The following KLHL5 variants were observed in gnomAD, a reference collection of about 807,000 sequenced individuals.
KLHL5 encodes the protein kelch-like protein 5.
In KLHL5, 48 loss-of-function variants were observed where a neutral mutation model predicts 77.7. The ratio of observed to expected loss-of-function variants is 0.62; its 90% confidence interval spans 0.49 to 0.79. The LOEUF (loss-of-function observed/expected upper bound fraction) is 0.79, where lower values mean the gene tolerates loss of function less well. Among genes scored for constraint, KLHL5 ranks in the 30% least tolerant of loss-of-function variants. KLHL5 has a pLI of 0.00. For missense variants in KLHL5, 723 were observed against 859.7 expected, an observed-to-expected ratio of 0.84 and a Z score of 1.99; for synonymous variants, 260 against 297.0, an observed-to-expected ratio of 0.88 and a Z score of 1.28.
At chr4:39,093,080 T>G in intron 5 of KLHL5, 2 of 455,940 alleles carry the variant, frequency 4.4e-6, no homozygotes, top group Non-Finnish European at 8.8e-6. Context: ...TCATAATAGC[T>G]TGAAACTGGA....
the KLHL5 span, among the ~76,000 whole-genome samples, chr4:39,140,204 C>T: frequency 6.6e-6 from 1 of 152,178 alleles, no homozygotes; most frequent in Middle Eastern, 3.4e-3. Context: ...ACTCCAGCCT[C>T]AGTGACAAAG....
intron 5 of KLHL5, among the ~76,000 whole-genome samples, chr4:39,090,752 G>A (rs1720459778): frequency 6.6e-6 from 1 of 151,696 alleles, no homozygotes; most frequent in South Asian, 2.1e-4. Context: ...CCCAACCTTT[G>A]TATGGCTTTT....
downstream of KLHL5, among the ~76,000 whole-genome samples, chr4:39,129,214 G>T (rs564490320): frequency 2.9e-5 from 4 of 136,214 alleles, no homozygotes; most frequent in East Asian, 6.3e-4. The surrounding 1 kb of genome is among the most constrained non-coding windows in gnomAD (Gnocchi z 4.2). Context: ...ACGGAGTCTT[G>T]CTCTGTTGCC....
At chr4:39,064,045 T>C (rs1412309115) in intron 1 of KLHL5, among the ~76,000 whole-genome samples, 2 of 152,134 alleles carry the variant, frequency 1.3e-5, no homozygotes, top group African/African-American at 4.8e-5. Flanking sequence ...TGATAACACT[T>C]GTAATTTGTA....
At chr4:39,087,308 A>G (rs1192237497) in intron 5 of KLHL5, among the ~76,000 whole-genome samples, 1 of 152,186 alleles carries the variant, frequency 6.6e-6, no homozygotes, top group Non-Finnish European at 1.5e-5. Context: ...AACTGCTAAT[A>G]AAAGGAGCAC....
In KLHL5 at chr4:39,085,922, A is replaced by C. The variant is rs142561776; in HGVS notation, c.901-593A>C. Among the ~76,000 whole-genome samples the C allele has an allele frequency of 3.9e-5, 6 of 152,316 alleles. No homozygotes were observed. The East Asian group carries it at 1.2e-3, about 29-fold the overall frequency. On this transcript the variant is annotated intron_variant, in intron 4 of 10. Transcript: ENST00000504108. ...CCCAAAATCCTAGATGATCTTATAA[A>C]TATCATTAAAACGATCTTGAAGACC...
chr4:39,142,233 A>T, the KLHL5 span, among the ~76,000 whole-genome samples: 86 of 152,260 alleles, frequency 5.6e-4, no homozygotes, highest in African/African-American at 2.0e-3. Flanking sequence ...AAATTGATTT[A>T]TTTATACAAA....
chr4:39,078,173 G>A (rs1381535331), intron 2 of KLHL5, among the ~76,000 whole-genome samples: 1 of 152,032 alleles, frequency 6.6e-6, no homozygotes, highest in African/African-American at 2.4e-5. Context: ...GGATCACGAG[G>A]TCAGAAGTTC....
In KLHL5 at chr4:39,123,146, C is replaced by T. The variant is rs1383728590; in HGVS notation, c.*2080C>T. On this transcript the variant is annotated 3_prime_UTR_variant, in exon 11 of 11. Transcript: ENST00000504108. ...AGATGACCTCGATGAAAAAACACAC[C>T]AATTGACAAAACTGGCTCAAAAGGA... 2.0e-5 allele frequency among the ~76,000 whole-genome samples: 3 copies of T among 152,124 alleles called. No homozygotes were observed. Among genetic ancestry groups the T allele is most frequent in the East Asian group, 3.9e-4 (2 of 5,192 alleles).
intron 4 of KLHL5, among the ~76,000 whole-genome samples, chr4:39,085,439 A>T (rs185913111): frequency 6.6e-6 from 1 of 152,230 alleles, no homozygotes; most frequent in East Asian, 1.9e-4. Flanking sequence ...GCTCTAATTT[A>T]AACAGCTTTA....
In KLHL5 at chr4:39,123,130, C is replaced by A. The variant is rs1061377; in HGVS notation, c.*2064C>A. ...TTGTTGCCAACAATTTAGATGACCT[C>A]GATGAAAAAACACACCAATTGACAA... On this transcript the variant is annotated 3_prime_UTR_variant, in exon 11 of 11. Transcript: ENST00000504108. Among the ~76,000 whole-genome samples the A allele has an allele frequency of 0.54, 82,560 of 151,904 alleles. 22,727 individuals are homozygous for A. The highest frequency in any genetic ancestry group is 0.6 in the Admixed American group (9,106 of 15,278).
Position 39,081,092 on chromosome 4 carries a change from T to C in KLHL5, c.567-11T>C. ...TGGTCATTGATTTTTTTTTTCCTAA[T>C]GTGTTCACAGATTGGTGCTCTCCTC... On this transcript the variant is annotated splice_polypyrimidine_tract_variant and intron_variant, in intron 2 of 10. Transcript: ENST00000504108. The surrounding 1 kb of genome is among the most constrained non-coding windows in gnomAD (Gnocchi z 4.3). The C allele has an allele frequency of 6.3e-7, 1 of 1,587,804 alleles. No individual in the cohort carries two copies. The highest frequency in any genetic ancestry group is 8.5e-7 in the Non-Finnish European group (1 of 1,172,048).
Position 39,063,029 on chromosome 4 carries a change from C to T in KLHL5, c.377C>T (p.Ser126Leu). The T allele has an allele frequency of 6.2e-7, 1 of 1,609,560 alleles. No individual in the cohort carries two copies. The change falls in exon 1 of 11, where the codon TCA (serine) becomes TTA (leucine). Residue 126 changes from serine (S) to leucine (L), a missense_variant. Coordinates refer to ENST00000504108, the MANE Select transcript of KLHL5 (RefSeq NM_015990.5). The stretch of plus-strand genomic sequence containing the variant: ...GAAGAAAATGAATCTGATTCCAGTT[C>T]ATGCAGGTTGATTATTTTCTTACTG... Reference protein sequence around the residue: ...SEEENESDSSSCRTSNSSQTL... With the variant: ...SEEENESDSSLCRTSNSSQTL...
the KLHL5 span, among the ~76,000 whole-genome samples, chr4:39,141,633 G>A: frequency 6.6e-6 from 1 of 151,958 alleles, no homozygotes; most frequent in Non-Finnish European, 1.5e-5. Context: ...TTGAGACAGG[G>A]TTGAAGGTGG....
chr4:39,097,271 G>A, intron 6 of KLHL5, among the ~76,000 whole-genome samples: 1 of 152,172 alleles, frequency 6.6e-6, no homozygotes, highest in East Asian at 1.9e-4. Context: ...AAGGAAAGAT[G>A]AGATTACAAA....
At chr4:39,077,732 A>C (rs992231092) in intron 2 of KLHL5, among the ~76,000 whole-genome samples, 3 of 151,498 alleles carry the variant, frequency 2.0e-5, no homozygotes, top group African/African-American at 4.8e-5. Context: ...AAACAAAAAA[A>C]CTAAAAGTAG....
upstream of KLHL5, among the ~76,000 whole-genome samples, chr4:39,058,462 C>A (rs1362186280): frequency 1.3e-5 from 2 of 151,906 alleles, no homozygotes; most frequent in Non-Finnish European, 2.9e-5. Flanking sequence ...CCTGGCTCTA[C>A]AAAAATTAGC....
downstream of KLHL5, among the ~76,000 whole-genome samples, chr4:39,130,339 C>A (rs538087257): frequency 2.6e-5 from 4 of 152,166 alleles, no homozygotes; most frequent in Non-Finnish European, 5.9e-5. Context: ...AGGCACAGAT[C>A]GCTCATGCTA....
chr4:39,089,452 A>G (rs1406298223), intron 5 of KLHL5, among the ~76,000 whole-genome samples: 1 of 152,096 alleles, frequency 6.6e-6, no homozygotes, highest in East Asian at 1.9e-4. Context: ...TTTTTTGAAA[A>G]CTACTTCCTT....
Sources: gnomAD v4.1 joint callset for allele counts (sites outside exome capture counted in the v4.1 genomes callset) on GRCh38, gnomAD v4.1.1 for gene constraint, Gnocchi (gnomAD v3.1) non-coding constraint, MANE v1.5 for transcripts, NCBI Gene and HGNC (gene_info 2026-07-23, HGNC 2026-07-21) for gene names.